Variants in TMEM132D observed in about 807,000 individuals in gnomAD.
TMEM132D encodes the protein mature OL transmembrane protein.
A neutral mutation model predicts 62.3 loss-of-function variants in TMEM132D; 21 were observed. That is an observed-to-expected ratio of 0.34 (90% CI 0.24 to 0.49). The LOEUF (loss-of-function observed/expected upper bound fraction) is 0.49. Ranked by LOEUF, TMEM132D falls within the 20% of genes least tolerant of loss-of-function variation. The pLI is 0.99. For synonymous variants in TMEM132D, 621 were observed against 575.6 expected, an observed-to-expected ratio of 1.08 and a Z score of -1.13; for missense variants, 1,346 against 1,402.8, an observed-to-expected ratio of 0.96 and a Z score of 0.65.
At chr12:129,221,621 T>G (rs1047364553) in intron 4 of TMEM132D, among the ~76,000 whole-genome samples, 2 of 152,188 alleles carry the variant, frequency 1.3e-5, no homozygotes, top group African/African-American at 4.8e-5. Context: ...TAAGTTAGTA[T>G]GAAGGTCTCA....
At chr12:129,403,564 G>A (rs1871683156) in intron 3 of TMEM132D, among the ~76,000 whole-genome samples, 1 of 151,854 alleles carries the variant, frequency 6.6e-6, no homozygotes, top group East Asian at 1.9e-4. Context: ...AATGGCAAAA[G>A]CAAATCTGAC....
intron 5 of TMEM132D, among the ~76,000 whole-genome samples, chr12:129,177,555 C>T (rs1877939126): frequency 6.6e-6 from 1 of 152,006 alleles, no homozygotes; most frequent in Non-Finnish European, 1.5e-5. Context: ...CCTGGGAGTT[C>T]AAGACCAGCC....
chr12:129,288,239 G>A (rs983824766), intron 4 of TMEM132D, among the ~76,000 whole-genome samples: 1 of 152,154 alleles, frequency 6.6e-6, no homozygotes, highest in Admixed American at 6.6e-5. Flanking sequence ...CAGACAAGTG[G>A]TATTGCATCA....
At chr12:129,227,387 T>C in intron 4 of TMEM132D, among the ~76,000 whole-genome samples, 1 of 146,234 alleles carries the variant, frequency 6.8e-6, no homozygotes, top group Non-Finnish European at 1.5e-5. Context: ...TGGGTTTCAA[T>C]GCACTGTGTT....
At position 129,636,698 on chromosome 12, in the gene TMEM132D, ATGTGTGTG is replaced by A. The variant is rs542826978; in HGVS notation, c.968+63104_968+63111del. Among the ~76,000 whole-genome samples, 202 of 107,932 alleles carry A rather than the reference ATGTGTGTG, an allele frequency of 1.9e-3. 1 individual carries two copies. Among genetic ancestry groups the A allele is most frequent in the African/African-American group, 5.2e-3 (156 of 30,222 alleles). 70.8% of individuals were successfully genotyped at this position (107,932 alleles called of 152,430 possible). The stretch of plus-strand genomic sequence containing the variant: ...AATGACCAAGTAAATTCATACAGAA[ATGTGTGTG>A]TGTGTGTGTGTGTGTGTGTGTGTGT... On this transcript the variant is annotated intron_variant, in intron 2 of 8. Coordinates refer to ENST00000422113, the MANE Select transcript of TMEM132D (RefSeq NM_133448.3).
chr12:129,211,306 G>A (rs1055882896), intron 4 of TMEM132D, among the ~76,000 whole-genome samples: 1 of 152,088 alleles, frequency 6.6e-6, no homozygotes, highest in Non-Finnish European at 1.5e-5. Context: ...ATCTGGGTGG[G>A]TGCTAGTTGC....
At chr12:129,823,946 A>C (rs113507589) in intron 1 of TMEM132D, among the ~76,000 whole-genome samples, 3 of 152,278 alleles carry the variant, frequency 2.0e-5, no homozygotes, top group African/African-American at 7.2e-5. Context: ...ACATGAATAG[A>C]GGCCTTAGCA....
chr12:129,736,815 T>C (rs1261849952), intron 1 of TMEM132D, among the ~76,000 whole-genome samples: 8 of 94,122 alleles, frequency 8.5e-5, no homozygotes, highest in Non-Finnish European at 1.7e-4. Flanking sequence ...GATGGTGCCT[T>C]TTTTTTTTTT....
Position 129,623,746 on chromosome 12 carries a change from C to T in TMEM132D, c.968+76064G>A, listed in dbSNP as rs897355876. On this transcript the variant is annotated intron_variant, in intron 2 of 8. Coordinates refer to ENST00000422113, the MANE Select transcript of TMEM132D (RefSeq NM_133448.3). ...ATACATACATATATACATATATATA[C>T]ACATATATATACACACATATATATA... Among the ~76,000 whole-genome samples the T allele has an allele frequency of 3.3e-3, 429 of 128,968 alleles. 1 individual carries two copies. Among genetic ancestry groups the T allele is most frequent in the African/African-American group, 0.013 (403 of 31,858 alleles). 84.6% of individuals were successfully genotyped at this position (128,968 alleles called of 152,430 possible). A position where few individuals can be genotyped will look rare whatever the true frequency, so the allele number is the denominator to read the frequency against.
chr12:129,524,632 T>C (rs1875957749), intron 3 of TMEM132D, among the ~76,000 whole-genome samples: 4 of 152,162 alleles, frequency 2.6e-5, no homozygotes, highest in Admixed American at 2.6e-4. Context: ...TAAGCTTTTA[T>C]CTAGAGCATA....
intron 4 of TMEM132D, among the ~76,000 whole-genome samples, chr12:129,216,873 C>T (rs1002905590): frequency 6.6e-6 from 1 of 152,234 alleles, no homozygotes; most frequent in Non-Finnish European, 1.5e-5. Flanking sequence ...TAATCACCAT[C>T]TTAACTGATG....
At position 129,833,898 on chromosome 12, in the gene TMEM132D, A is replaced by AT. The variant is rs147420635; in HGVS notation, c.79+69362dup. ...TCCTAATGCCTACATGCCTAAAACT[A>AT]TTTTTTTTTTAATTCAAGCATGTCG... is the stretch of plus-strand genomic sequence containing the variant. On this transcript the variant is annotated intron_variant, in intron 1 of 8. Coordinates refer to ENST00000422113, the MANE Select transcript of TMEM132D (RefSeq NM_133448.3). Among the ~76,000 whole-genome samples the AT allele has an allele frequency of 3.2e-3, 484 of 149,666 alleles. 2 individuals carry two copies. The highest frequency in any genetic ancestry group is 7.2e-3 in the African/African-American group (293 of 40,864).
chr12:129,299,065 C>T (rs1881643946), intron 4 of TMEM132D, among the ~76,000 whole-genome samples: 1 of 152,188 alleles, frequency 6.6e-6, no homozygotes, highest in South Asian at 2.1e-4. Context: ...GAAGGAAGTT[C>T]CCAAGGTCGA....
intron 1 of TMEM132D, among the ~76,000 whole-genome samples, chr12:129,896,433 A>G (rs928629324): frequency 7.2e-5 from 11 of 152,154 alleles, no homozygotes; most frequent in African/African-American, 2.7e-4. Context: ...AAAATACTTT[A>G]TTGCCACAAT....
intron 3 of TMEM132D, among the ~76,000 whole-genome samples, chr12:129,402,256 A>G (rs1871645532): frequency 1.3e-5 from 2 of 152,200 alleles, no homozygotes; most frequent in Non-Finnish European, 2.9e-5. Context: ...TCCCAGAAGC[A>G]CGTCCCTGAG....
intron 1 of TMEM132D, among the ~76,000 whole-genome samples, chr12:129,795,396 G>A (rs955313430): frequency 1.3e-5 from 2 of 152,146 alleles, no homozygotes; most frequent in African/African-American, 4.8e-5. Context: ...AGATTCCGCT[G>A]GATCCCCTAA....
At chr12:129,108,867 A>ATCG (rs1875588642) in intron 5 of TMEM132D, among the ~76,000 whole-genome samples, 6 of 152,228 alleles carry the variant, frequency 3.9e-5, no homozygotes, top group Admixed American at 3.9e-4. Context: ...TCCGTAAGTG[A>ATCG]CATTCTGCTG....
intron 4 of TMEM132D, chr12:129,262,559 CTGTCTGAGTGG>C (rs1880577866): frequency 6.6e-6 from 1 of 152,230 alleles, no homozygotes; most frequent in South Asian, 2.1e-4. Context: ...GGGCTCATGG[CTGTCTGAGTGG>C]TCTCGCAGGA....
intron 5 of TMEM132D, among the ~76,000 whole-genome samples, chr12:129,091,511 A>ACCTT (rs1230634475): frequency 1.3e-5 from 2 of 150,854 alleles, no homozygotes; most frequent in East Asian, 3.9e-4. Context: ...GGCTCTGGAG[A>ACCTT]CCTTACCTAT....
Sources: gnomAD v4.1 joint callset for allele counts (sites outside exome capture counted in the v4.1 genomes callset) on GRCh38, gnomAD v4.1.1 for gene constraint, MANE v1.5 for transcripts, NCBI Gene and HGNC (gene_info 2026-07-23, HGNC 2026-07-21) for gene names.